Variants in ATP8B1 observed in about 807,000 individuals in gnomAD.
The protein encoded by ATP8B1 is phospholipid-transporting ATPase IC.
Under a neutral mutation model 149.9 loss-of-function variants are expected in ATP8B1, and 80 were observed. The ratio of observed to expected loss-of-function variants is 0.53; its 90% CI spans 0.45 to 0.64. The LOEUF (loss-of-function observed/expected upper bound fraction) is 0.64. Ranked by LOEUF, ATP8B1 falls within the 30% of genes least tolerant of loss-of-function variation. The pLI, the probability that ATP8B1 is intolerant of heterozygous loss-of-function variation, is 0.00. For synonymous variants in ATP8B1, 536 were observed against 562.8 expected (o/e 0.95, Z 0.67); for missense variants, 1,247 against 1,552.6 (o/e 0.80, Z 3.31).
Position 57,668,544 on chromosome 18 carries a change from G to C in ATP8B1, c.2098-4C>G. Reference sequence around the variant, plus strand: ...CAATAGCTGTAGCTCCCAGGAGCTAGAATGTATATTAAAAAAAAAAAAAAA... The same window carrying C: ...CAATAGCTGTAGCTCCCAGGAGCTACAATGTATATTAAAAAAAAAAAAAAA... On this transcript the variant is annotated splice_region_variant and splice_polypyrimidine_tract_variant and intron_variant, in intron 18 of 27. Transcript: ENST00000648908. 6.4e-5 allele frequency: 37 copies of C among 580,876 alleles called. No individual in the cohort carries two copies. Among genetic ancestry groups the C allele is most frequent in the African/African-American group, 1.1e-4 (3 of 26,650 alleles). The allele number at this position is 580,876 out of a possible 1,614,324, so 36.0% of individuals were successfully genotyped here. A position where few individuals can be genotyped will look rare whatever the true frequency, so the allele number is the denominator to read the frequency against.
intron 15 of ATP8B1, among the ~76,000 whole-genome samples, chr18:57,680,619 A>T (rs942768369): frequency 1.3e-5 from 2 of 149,250 alleles, no homozygotes; most frequent in Non-Finnish European, 3.0e-5. Context: ...ACAAAACAAA[A>T]AAAAAACCAC....
intron 10 of ATP8B1, 114 bp from the exon 11 acceptor site, chr18:57,694,784 G>A: frequency 1.2e-6 from 1 of 807,510 alleles, no homozygotes; most frequent in South Asian, 1.5e-5. Context: ...AATCCCAGCA[G>A]TTTTGGAGGC....
chr18:57,648,425 T>C lies in ATP8B1; in HGVS notation c.*63A>G. 6.4e-7 allele frequency: 1 copy of C among 1,550,722 alleles called. No individual in the cohort carries two copies. The highest frequency in any genetic ancestry group is 8.9e-7 in the Non-Finnish European group (1 of 1,125,934). On this transcript the variant is annotated 3_prime_UTR_variant, in exon 28 of 28. Coordinates refer to ENST00000648908, the MANE Select transcript of ATP8B1 (RefSeq NM_001374385.1). Reference sequence around the variant, plus strand: ...CAATTCACACACACACACAAAGTCCTGAGAGTCTTTCATAAAAAAATAGAC... The same window carrying C: ...CAATTCACACACACACACAAAGTCCCGAGAGTCTTTCATAAAAAAATAGAC...
At chr18:57,678,449 T>A (rs1264446486) in intron 15 of ATP8B1, among the ~76,000 whole-genome samples, 3 of 151,848 alleles carry the variant, frequency 2.0e-5, no homozygotes, top group Non-Finnish European at 4.4e-5. Context: ...TAGCCACGTG[T>A]GGTGGTATGC....
chr18:57,717,487 G>T (rs1200403877), intron 2 of ATP8B1, among the ~76,000 whole-genome samples: 1 of 126,844 alleles, frequency 7.9e-6, no homozygotes, highest in Non-Finnish European at 1.6e-5. Context: ...GGCGGAGCTT[G>T]CAGTAAGCCG....
At chr18:57,687,511 C>T (rs1393921476) in intron 13 of ATP8B1, among the ~76,000 whole-genome samples, 1 of 152,136 alleles carries the variant, frequency 6.6e-6, no homozygotes, top group Non-Finnish European at 1.5e-5. Flanking sequence ...CTGGCATAAA[C>T]GAGTTCAGGT....
intron 1 of ATP8B1, among the ~76,000 whole-genome samples, chr18:57,746,940 A>AT (rs1477994633): frequency 6.6e-6 from 1 of 152,204 alleles, no homozygotes; most frequent in African/African-American, 2.4e-5. Flanking sequence ...AACTTGCCAC[A>AT]TTTTGTCCCT....
intron 24 of ATP8B1, among the ~76,000 whole-genome samples, chr18:57,653,376 C>T (rs1343280591): frequency 6.7e-6 from 1 of 148,516 alleles, no homozygotes; most frequent in Non-Finnish European, 1.5e-5. Context: ...CTTCAACCTT[C>T]CAGGCTCAAG....
At chr18:57,713,207 C>CTCT (rs1568207551) in intron 2 of ATP8B1, among the ~76,000 whole-genome samples, 8 of 120,540 alleles carry the variant, frequency 6.6e-5, no homozygotes, top group African/African-American at 2.7e-4. Context: ...TTCCTTCCTT[C>CTCT]CTTCCTTCCT....
chr18:57,757,648 A>G (rs989629382), intron 1 of ATP8B1, among the ~76,000 whole-genome samples: 2 of 152,102 alleles, frequency 1.3e-5, no homozygotes, highest in Non-Finnish European at 2.9e-5. Flanking sequence ...CCCATCTCCC[A>G]TTTCCTTTCT....
intron 1 of ATP8B1, among the ~76,000 whole-genome samples, chr18:57,735,981 C>CA (rs2079850262): frequency 6.7e-6 from 1 of 148,600 alleles, no homozygotes; most frequent in South Asian, 2.2e-4. Context: ...CCCCCACCCC[C>CA]ACCCCCAACA....
chr18:57,677,625 AATTAAAG>A (rs1458175719), intron 15 of ATP8B1, among the ~76,000 whole-genome samples: 1 of 152,230 alleles, frequency 6.6e-6, no homozygotes, highest in Non-Finnish European at 1.5e-5. Flanking sequence ...CCTAATTAAT[AATTAAAG>A]ATGACACTTA....
In ATP8B1 at chr18:57,648,661, G is replaced by T. The variant is rs562253301; in HGVS notation, c.3583C>A (p.Gln1195Lys). 14 of 1,575,912 alleles carry T rather than the reference G, an allele frequency of 8.9e-6. No individual in the cohort carries two copies. The African/African-American group carries it at 1.8e-4, about 20-fold the overall frequency. Residue 1195 changes from glutamine to lysine, a missense_variant, in exon 28 of 28, where the codon CAG (glutamine) becomes AAG (lysine). Around this residue, in one of 3 missense-constraint regions of ATP8B1, gnomAD observed 164 missense variants for 160.3 expected, o/e 1.02. Coordinates refer to ENST00000648908, the MANE Select transcript of ATP8B1 (RefSeq NM_001374385.1). ...GACACGCCCCGGCGGAACACCTGCTGCCGTCGCTGCCACTGCTCCTCCGCC... is the reference window on the plus strand; with the variant it reads ...GACACGCCCCGGCGGAACACCTGCTTCCGTCGCTGCCACTGCTCCTCCGCC... ...LKAEEQWQRR[Q>K]QVFRRGVSTR...
intron 1 of ATP8B1, among the ~76,000 whole-genome samples, chr18:57,737,262 C>A (rs1218480045): frequency 4.0e-5 from 1 of 24,694 alleles, no homozygotes; most frequent in Non-Finnish European, 1.3e-4. Flanking sequence ...TTTCTCCCTA[C>A]TTTTATTTTT....
At chr18:57,683,750 T>C (rs1334393091) in intron 15 of ATP8B1, among the ~76,000 whole-genome samples, 2 of 152,228 alleles carry the variant, frequency 1.3e-5, no homozygotes, top group Admixed American at 6.5e-5. Context: ...TCTTCTATCA[T>C]AGTTCAAGTA....
intron 20 of ATP8B1, 45 bp from the exon 21 acceptor site, chr18:57,662,660 T>C (rs1223795659): frequency 6.2e-7 from 1 of 1,607,088 alleles, no homozygotes; most frequent in South Asian, 1.1e-5. Context: ...AGACCCTAAA[T>C]AGGCCCTTGA....
chr18:57,742,590 G>A (rs777525452), intron 1 of ATP8B1, among the ~76,000 whole-genome samples: 9 of 152,134 alleles, frequency 5.9e-5, no homozygotes, highest in Non-Finnish European at 8.8e-5. Flanking sequence ...CCAGCACTTT[G>A]GGAAGCTGAG....
At chr18:57,753,681 G>A (rs766294425) in intron 1 of ATP8B1, among the ~76,000 whole-genome samples, 7 of 151,904 alleles carry the variant, frequency 4.6e-5, no homozygotes, top group Non-Finnish European at 1.0e-4. Context: ...TAATCCCAGC[G>A]CTTTGGGAGG....
rs1157288565 is a variant in ATP8B1 at position 57,653,984 on chromosome 18, G to C, written c.3015+8C>G. 4 of 1,611,078 alleles carry C rather than the reference G, an allele frequency of 2.5e-6. No individual in the cohort carries two copies. The Admixed American group carries it at 6.7e-5, about 27-fold the overall frequency. The stretch of plus-strand genomic sequence containing the variant: ...CCAGAAGTGTCCCTGCTTGTGCGAG[G>C]CTCCTACCTGGTCGAGCAGCCCCAT... On this transcript the variant is annotated splice_region_variant and intron_variant, in intron 24 of 27. Transcript: ENST00000648908.
Sources: gnomAD v4.1 joint callset for allele counts (sites outside exome capture counted in the v4.1 genomes callset) on GRCh38, gnomAD v4.1.1 for gene constraint, gnomAD v4.1.1 regional missense constraint, MANE v1.5 for transcripts, NCBI Gene and HGNC (gene_info 2026-07-23, HGNC 2026-07-21) for gene names.